The following N4BP1 variants were observed in gnomAD, a reference collection of about 807,000 sequenced individuals.
N4BP1 encodes NEDD4-binding protein 1.
N4BP1 carries 21 observed loss-of-function variants against 70.9 expected under a neutral mutation model. The observed-to-expected ratio is 0.30, with a 90% CI of 0.21 to 0.43. The LOEUF is 0.43. N4BP1 is among the 20% of genes least tolerant of loss of function. N4BP1 has a pLI of 1.00. For synonymous variants in N4BP1, 387 were observed against 394.6 expected (o/e 0.98, Z 0.23); for missense variants, 936 against 1,069.4 (o/e 0.88, Z 1.74).
chr16:48,571,616 G>C (rs140882049), intron 1 of N4BP1, among the ~76,000 whole-genome samples: 3 of 152,190 alleles, frequency 2.0e-5, no homozygotes, highest in Middle Eastern at 3.4e-3. Flanking sequence ...CAGGAATCAG[G>C]ATGCTAAAAG....
intron 1 of N4BP1, among the ~76,000 whole-genome samples, chr16:48,606,053 T>C (rs1964576254): frequency 6.6e-6 from 1 of 152,174 alleles, no homozygotes. Context: ...ATCTTCCCCA[T>C]GTCTGTCTCC....
At chr16:48,575,673 CCAGGCTGCATATTCT>C (rs1211184670) in intron 1 of N4BP1, among the ~76,000 whole-genome samples, 1 of 152,164 alleles carries the variant, frequency 6.6e-6, no homozygotes, top group Non-Finnish European at 1.5e-5. Flanking sequence ...CCAGCTTCAC[CCAGGCTGCATATTCT>C]CAGAAGCAGC....
rs1963485977 is a variant in N4BP1, at chr16:48,540,758, G to A, written c.*2146C>T. 1 of 152,338 alleles carries A rather than the reference G, an allele frequency of 6.6e-6. No homozygotes were observed. Among genetic ancestry groups the A allele is most frequent in the Non-Finnish European group, 1.5e-5 (1 of 68,126 alleles). The allele number at this position is 152,338 out of a possible 1,614,324, so 9.4% of individuals were successfully genotyped here. ...CGGCCCCACTGCAGGAGGTAGACAG[G>A]CTACAGATACTTATGCAGCAGCCAC... On this transcript the variant is annotated 3_prime_UTR_variant, in exon 7 of 7. Transcript: ENST00000262384.
intron 6 of N4BP1, among the ~76,000 whole-genome samples, chr16:48,545,702 T>C (rs1467706343): frequency 2.0e-5 from 3 of 149,954 alleles, no homozygotes; most frequent in African/African-American, 7.4e-5. Flanking sequence ...CTTCCAAATA[T>C]ATGAAACCAG....
intron 1 of N4BP1, among the ~76,000 whole-genome samples, chr16:48,564,392 A>G (rs957115243): frequency 6.6e-6 from 1 of 152,204 alleles, no homozygotes; most frequent in Admixed American, 6.5e-5. Context: ...GCCTATAGGT[A>G]TAATATTGCT....
intron 1 of N4BP1, among the ~76,000 whole-genome samples, chr16:48,568,816 T>A (rs1422975039): frequency 6.6e-6 from 1 of 152,222 alleles, no homozygotes; most frequent in African/African-American, 2.4e-5. Context: ...GCTTGCATGA[T>A]TTTTACGTTC....
chr16:48,574,739 T>C (rs186716563), intron 1 of N4BP1, among the ~76,000 whole-genome samples: 6 of 152,348 alleles, frequency 3.9e-5, no homozygotes, highest in East Asian at 1.9e-4. Context: ...AACAAATCCA[T>C]TGATTTCTCA....
chr16:48,547,936 A>G, intron 5 of N4BP1, 71 bp downstream of exon 5: 1 of 1,040,538 alleles, frequency 9.6e-7, no homozygotes, highest in Non-Finnish European at 1.5e-6. Flanking sequence ...AACAAAACGA[A>G]CAAAATGCAC....
intron 2 of N4BP1, among the ~76,000 whole-genome samples, chr16:48,560,300 A>G (rs1403524547): frequency 1.3e-5 from 2 of 152,196 alleles, no homozygotes; most frequent in Non-Finnish European, 2.9e-5. Context: ...CCATTGCTCT[A>G]TCCACAGAAA....
chr16:48,573,333 T>C (rs1597101805), intron 1 of N4BP1, among the ~76,000 whole-genome samples: 1 of 152,234 alleles, frequency 6.6e-6, no homozygotes, highest in East Asian at 1.9e-4. Flanking sequence ...GGCTCACACC[T>C]ATAAAACCAG....
chr16:48,585,510 T>C (rs1017633846), intron 1 of N4BP1, among the ~76,000 whole-genome samples: 1 of 151,722 alleles, frequency 6.6e-6, no homozygotes, highest in African/African-American at 2.4e-5. Context: ...AAATTATATG[T>C]TCAACTAAAT....
intron 1 of N4BP1, among the ~76,000 whole-genome samples, chr16:48,576,695 T>G (rs1398930085): frequency 6.6e-6 from 1 of 152,178 alleles, no homozygotes; most frequent in Non-Finnish European, 1.5e-5. Context: ...CATCTAAAAA[T>G]TCTACCTTTC....
chr16:48,599,354 C>G (rs1444510670), intron 1 of N4BP1, among the ~76,000 whole-genome samples: 1 of 152,156 alleles, frequency 6.6e-6, no homozygotes, highest in Non-Finnish European at 1.5e-5. Context: ...TGTTCTTTCA[C>G]AAATTCTGGC....
At chr16:48,609,633 G>A (rs954153937) in intron 1 of N4BP1, 142 bp downstream of exon 1, 12 of 692,922 alleles carry the variant, frequency 1.7e-5, no homozygotes, top group South Asian at 4.9e-5. Flanking sequence ...CTCGCGAGCC[G>A]AAAAGGCACG....
At chr16:48,593,017 G>A (rs913255078) in intron 1 of N4BP1, among the ~76,000 whole-genome samples, 1 of 152,176 alleles carries the variant, frequency 6.6e-6, no homozygotes, top group Non-Finnish European at 1.5e-5. Flanking sequence ...GTCATGAAAG[G>A]ATTCATGAAA....
intron 1 of N4BP1, among the ~76,000 whole-genome samples, chr16:48,598,694 T>C (rs1424936859): frequency 6.6e-6 from 1 of 152,146 alleles, no homozygotes; most frequent in Non-Finnish European, 1.5e-5. Flanking sequence ...CTAGGGAGAT[T>C]AATCAAGGCA....
At chr16:48,588,661 C>T (rs1964284066) in intron 1 of N4BP1, among the ~76,000 whole-genome samples, 1 of 152,070 alleles carries the variant, frequency 6.6e-6, no homozygotes, top group South Asian at 2.1e-4. Context: ...CAGCACTGTC[C>T]AAAAGAACTT....
At chr16:48,553,410 A>G (rs2151086964) in intron 3 of N4BP1, 129 bp downstream of exon 3, 7 of 853,688 alleles carry the variant, frequency 8.2e-6, no homozygotes, top group Non-Finnish European at 1.1e-5. Context: ...TAGGTGCAGT[A>G]GATTTACAAT....
rs952559612 is a variant in N4BP1 at position 48,546,552 on chromosome 16, T to A, written c.2226-298A>T. 22 of 243,208 alleles carry A rather than the reference T, an allele frequency of 9.0e-5. No homozygotes were observed. The Admixed American group carries it at 9.9e-4, about 11-fold the overall frequency. 15.1% of individuals were successfully genotyped at this position (243,208 alleles called of 1,614,324 possible). On this transcript the variant is annotated intron_variant, in intron 5 of 6. Coordinates refer to ENST00000262384, the MANE Select transcript of N4BP1 (RefSeq NM_153029.4). ...CTTCTTCTTCTAATATAACTTTCAA[T>A]ATAACTTTGAAAAATAAGATTTAAA...
Sources: allele counts gnomAD v4.1 joint callset (sites outside exome capture counted in the v4.1 genomes callset), GRCh38; gene constraint gnomAD v4.1.1; transcripts MANE v1.5; gene names NCBI Gene and HGNC (gene_info 2026-07-23, HGNC 2026-07-21).